The following DSCAML1 variants were observed in gnomAD, a reference collection of about 807,000 sequenced individuals.
The protein encoded by DSCAML1 is cell adhesion molecule DSCAML1.
DSCAML1 carries 38 observed loss-of-function variants against 200.5 expected under a neutral mutation model. The ratio of observed to expected loss-of-function variants is 0.19; its 90% CI spans 0.15 to 0.25. The LOEUF is 0.25. Among genes scored for constraint, DSCAML1 ranks in the 10% least tolerant of loss-of-function variants. DSCAML1 has a pLI of 1.00. For missense variants in DSCAML1, 2,223 were observed against 2,858.8 expected (o/e 0.78, Z 5.07); for synonymous variants, 1,215 against 1,165.0 (o/e 1.04, Z -0.87).
intron 19 of DSCAML1, among the ~76,000 whole-genome samples, chr11:117,455,308 T>TA (rs1354317589): frequency 4.6e-5 from 7 of 152,204 alleles, no homozygotes; most frequent in Admixed American, 4.6e-4. Flanking sequence ...GTCTCTGCCT[T>TA]AACAGGTTCT....
intron 3 of DSCAML1, among the ~76,000 whole-genome samples, chr11:117,727,175 C>A (rs1230468475): frequency 6.6e-6 from 1 of 152,176 alleles, no homozygotes; most frequent in Admixed American, 6.5e-5. Context: ...AGGTCACCAG[C>A]TGATAAGTAG....
chr11:117,464,591 G>T (rs1186262474), intron 17 of DSCAML1, among the ~76,000 whole-genome samples: 1 of 152,154 alleles, frequency 6.6e-6, no homozygotes, highest in African/African-American at 2.4e-5. Flanking sequence ...CAGGTGTAGA[G>T]GGAAGAGAGA....
At chr11:117,662,778 A>G (rs750507466) in intron 3 of DSCAML1, among the ~76,000 whole-genome samples, 8 of 152,214 alleles carry the variant, frequency 5.3e-5, no homozygotes, top group Non-Finnish European at 1.2e-4. Context: ...ATTCTTGCAA[A>G]TTAGAGTCAC....
intron 3 of DSCAML1, among the ~76,000 whole-genome samples, chr11:117,562,390 A>G (rs2050679192): frequency 1.3e-5 from 2 of 152,212 alleles, no homozygotes; most frequent in Non-Finnish European, 2.9e-5. Context: ...AGCCCCATGC[A>G]AGTGCCACGT....
At chr11:117,461,945 C>A (rs2048491082) in intron 17 of DSCAML1, among the ~76,000 whole-genome samples, 1 of 152,200 alleles carries the variant, frequency 6.6e-6, no homozygotes, top group Non-Finnish European at 1.5e-5. Flanking sequence ...CCAGGCAAAT[C>A]CTGCTGTGAT....
intron 17 of DSCAML1, among the ~76,000 whole-genome samples, chr11:117,464,289 G>A (rs947531069): frequency 3.9e-5 from 6 of 152,160 alleles, no homozygotes; most frequent in African/African-American, 1.4e-4. Flanking sequence ...GGGAGCATCA[G>A]GGGCCATGTC....
intron 3 of DSCAML1, among the ~76,000 whole-genome samples, chr11:117,584,341 C>T (rs1027743887): frequency 1.6e-4 from 25 of 152,194 alleles, no homozygotes; most frequent in Non-Finnish European, 2.4e-4. Flanking sequence ...ACAGTCCTTC[C>T]TATCAGCTTC....
intron 1 of DSCAML1, among the ~76,000 whole-genome samples, chr11:117,796,805 G>A (rs1176955793): frequency 1.3e-5 from 2 of 152,150 alleles, no homozygotes; most frequent in African/African-American, 4.8e-5. Flanking sequence ...CCACCCCTAC[G>A]GGCGCGCCCC....
At chr11:117,744,881 G>A (rs1759796589) in intron 3 of DSCAML1, among the ~76,000 whole-genome samples, 1 of 152,222 alleles carries the variant, frequency 6.6e-6, no homozygotes, top group South Asian at 2.1e-4. Context: ...ATGTACAGGG[G>A]CCCCAACCTT....
chr11:117,669,814 G>A (rs1026059463), intron 3 of DSCAML1, among the ~76,000 whole-genome samples: 3 of 152,240 alleles, frequency 2.0e-5, no homozygotes, highest in Non-Finnish European at 4.4e-5. Flanking sequence ...AGGGGCGGAT[G>A]GAACATCCTG....
chr11:117,765,185 C>T (rs566185898), intron 3 of DSCAML1, among the ~76,000 whole-genome samples: 1 of 152,346 alleles, frequency 6.6e-6, no homozygotes, highest in East Asian at 1.9e-4. Context: ...CCCTCCTGCC[C>T]TCCATACTGG....
At chr11:117,591,130 G>A (rs2051250533) in intron 3 of DSCAML1, among the ~76,000 whole-genome samples, 1 of 151,610 alleles carries the variant, frequency 6.6e-6, no homozygotes, top group Non-Finnish European at 1.5e-5. Flanking sequence ...TAGAAGAGGG[G>A]GTATTTAGAA....
At chr11:117,736,918 G>A (rs1221226438) in intron 3 of DSCAML1, among the ~76,000 whole-genome samples, 2 of 152,130 alleles carry the variant, frequency 1.3e-5, no homozygotes, top group African/African-American at 4.8e-5. Flanking sequence ...TCATCCTTCG[G>A]CTCCCAGTTT....
At chr11:117,429,953 T>A (rs1473049659) in intron 32 of DSCAML1, among the ~76,000 whole-genome samples, 1 of 152,174 alleles carries the variant, frequency 6.6e-6, no homozygotes, top group African/African-American at 2.4e-5. Context: ...TCATTCAGGG[T>A]CACAGTCTCC....
At chr11:117,798,263 G>A (rs2055619190), upstream of DSCAML1, among the ~76,000 whole-genome samples, 1 of 152,214 alleles carries the variant, frequency 6.6e-6, no homozygotes, top group Non-Finnish European at 1.5e-5. Flanking sequence ...TCTAAGGTGT[G>A]GAGTGCGAAG....
chr11:117,614,340 C>T (rs2051765653), intron 3 of DSCAML1, among the ~76,000 whole-genome samples: 1 of 152,154 alleles, frequency 6.6e-6, no homozygotes, highest in African/African-American at 2.4e-5. Context: ...GCTATATACA[C>T]CACTGGTTCT....
rs550777699 is a variant in DSCAML1 at position 117,708,867 on chromosome 11, G to A, written c.511+67924C>T. 2.6e-5 allele frequency among the ~76,000 whole-genome samples: 4 copies of A among 152,278 alleles called. No homozygotes were observed. In the South Asian group the frequency reaches 6.2e-4, roughly 24 times the overall value. On this transcript the variant is annotated intron_variant, in intron 3 of 32. Transcript: ENST00000651296. The stretch of plus-strand genomic sequence containing the variant: ...GTGGGGGGTGGGATGTCAGATGTAG[G>A]CTCCCATTACATGCTGCCCATTAAA...
At chr11:117,758,061 G>A (rs1172780139) in intron 3 of DSCAML1, among the ~76,000 whole-genome samples, 1 of 152,134 alleles carries the variant, frequency 6.6e-6, no homozygotes, top group African/African-American at 2.4e-5. Context: ...CCAGCACTTT[G>A]GGAGGCTGAG....
chr11:117,429,039 CGA>C (rs1485922023), intron 32 of DSCAML1, among the ~76,000 whole-genome samples: 1 of 152,098 alleles, frequency 6.6e-6, no homozygotes, highest in Non-Finnish European at 1.5e-5. Context: ...TTGTGAGGAG[CGA>C]ATGAGGTGAG....
Sources: allele counts gnomAD v4.1 joint callset (sites outside exome capture counted in the v4.1 genomes callset), GRCh38; gene constraint gnomAD v4.1.1; transcripts MANE v1.5; gene names NCBI Gene and HGNC (gene_info 2026-07-23, HGNC 2026-07-21).